Variants in PCDHGA4 observed in about 807,000 individuals in gnomAD.
PCDHGA4 encodes protocadherin gamma subfamily A, 4.
In PCDHGA4, 38 loss-of-function variants were observed where a neutral mutation model predicts 54.6. The ratio of observed to expected loss-of-function variants is 0.70; its 90% confidence interval spans 0.54 to 0.91. The LOEUF (loss-of-function observed/expected upper bound fraction) is 0.91, where lower values mean the gene tolerates loss of function less well. Ranked by LOEUF, PCDHGA4 falls within the 40% of genes least tolerant of loss-of-function variation. The probability of loss-of-function intolerance (pLI) is 0.00; values close to 1 mark genes in which losing one functional copy is unlikely to be tolerated. For missense variants in PCDHGA4, 1,298 were observed against 1,220.9 expected, an observed-to-expected ratio of 1.06 and a Z score of -0.94; for synonymous variants, 511 against 512.9, an observed-to-expected ratio of 1.00 and a Z score of 0.05.
chr5:141,395,363 T>C (rs2093221465), intron 1 of PCDHGA4: 2 of 1,278,044 alleles, frequency 1.6e-6, no homozygotes, highest in Admixed American at 5.9e-5. Context: ...GTTTTGGGTT[T>C]ATTTTGGTGG....
intron 1 of PCDHGA4, among the ~76,000 whole-genome samples, chr5:141,473,195 C>G (rs1053769499): frequency 6.6e-6 from 1 of 152,104 alleles, no homozygotes; most frequent in Non-Finnish European, 1.5e-5. Flanking sequence ...GTAAATGTAT[C>G]TTCTAAAAAA....
chr5:141,370,739 C>CT (rs772637726), intron 1 of PCDHGA4: 1 of 1,613,910 alleles, frequency 6.2e-7, no homozygotes, highest in Non-Finnish European at 8.5e-7. Flanking sequence ...AGCCTTTAAA[C>CT]TTTTTTCATG....
intron 1 of PCDHGA4, chr5:141,427,525 CG>C (rs996050026): frequency 4.9e-6 from 3 of 612,098 alleles, no homozygotes; most frequent in Non-Finnish European, 9.2e-6. Flanking sequence ...GAGCGGATCC[CG>C]GAGTACAACG....
At chr5:141,502,768 T>C (rs1389860952) in intron 2 of PCDHGA4, among the ~76,000 whole-genome samples, 1 of 152,154 alleles carries the variant, frequency 6.6e-6, no homozygotes, top group East Asian at 1.9e-4. Context: ...GCTGGTATTC[T>C]TCTGAAAATT....
In PCDHGA4 at chr5:141,477,279, C is replaced by T. The variant is rs2099408674; in HGVS notation, c.2515-17528C>T. ...GATGCTGGCGAGAACGGGCTGGTGA[C>T]CTGCGAAGTTCCACCGGGTCTCCCT... is the stretch of plus-strand genomic sequence containing the variant. On this transcript the variant is annotated intron_variant, in intron 1 of 3. Transcript: ENST00000571252. The surrounding 1 kb of genome is among the most constrained non-coding windows in gnomAD (Gnocchi z 4.9). 6.2e-7 allele frequency: 1 copy of T among 1,614,054 alleles called. No individual in the cohort carries two copies. Among genetic ancestry groups the T allele is most frequent in the Non-Finnish European group, 8.5e-7 (1 of 1,180,050 alleles).
intron 1 of PCDHGA4, among the ~76,000 whole-genome samples, chr5:141,386,301 G>T (rs1049977575): frequency 1.3e-5 from 2 of 152,180 alleles, no homozygotes; most frequent in Non-Finnish European, 1.5e-5. Context: ...TTTTAGTAAA[G>T]CTCAGTATAT....
rs755190269 is a variant in PCDHGA4 at position 141,385,225 on chromosome 5, G to A, written c.2514+27604G>A. 9.9e-6 allele frequency: 16 copies of A among 1,614,114 alleles called. No individual in the cohort carries two copies. Among genetic ancestry groups the A allele is most frequent in the Non-Finnish European group, 1.3e-5 (15 of 1,180,054 alleles). On this transcript the variant is annotated intron_variant, in intron 1 of 3. Transcript: ENST00000571252. ...CCTGATCTTCCCCCAGCCCAACTAT[G>A]TAGACATGCTCATCAGCCAGGAGAG...
At chr5:141,415,502 A>C (rs1162629839) in intron 1 of PCDHGA4, 6 of 1,614,086 alleles carry the variant, frequency 3.7e-6, no homozygotes, top group Admixed American at 1.7e-5. Flanking sequence ...ATCTTCCCCC[A>C]GCCCAATTAT....
At chr5:141,364,971 C>G in intron 1 of PCDHGA4, 3 of 1,613,916 alleles carry the variant, frequency 1.9e-6, no homozygotes, top group Non-Finnish European at 2.5e-6. Flanking sequence ...CTCCTCACAG[C>G]TTTAGATGGC....
In PCDHGA4 at chr5:141,490,291, C is replaced by T; in HGVS notation, c.2515-4516C>T. 6.2e-7 allele frequency: 1 copy of T among 1,614,212 alleles called. No homozygotes were observed. Among genetic ancestry groups the T allele is most frequent in the Non-Finnish European group, 8.5e-7 (1 of 1,180,048 alleles). On this transcript the variant is annotated intron_variant, in intron 1 of 3. Transcript: ENST00000571252. The surrounding 1 kb of genome is among the most constrained non-coding windows in gnomAD (Gnocchi z 5.4). ...TGTCAATGACAATGCCCCAGAGGTG[C>T]TATTGGCCTCTTTGGCCAACCCTGT...
chr5:141,355,713 G>A lies in PCDHGA4; in HGVS notation c.606G>A (p.Gln202=), dbSNP rs756628846. ...GTGTAAACTCCCTGCAGGGTTACCAGCTCAACTCAAACGGTTACTTTTCCC... is the reference window on the plus strand; with the variant it reads ...GTGTAAACTCCCTGCAGGGTTACCAACTCAACTCAAACGGTTACTTTTCCC... The part of the protein sequence containing the change: ...DVGVNSLQGY[Q]LNSNGYFSLD... Residue 202 remains glutamine (Q), a synonymous_variant, in exon 1 of 4, where the codon CAG becomes CAA. Coordinates refer to ENST00000571252, the MANE Select transcript of PCDHGA4 (RefSeq NM_018917.4). 2.5e-6 allele frequency: 4 copies of A among 1,614,022 alleles called. No individual in the cohort carries two copies. The highest frequency in any genetic ancestry group is 1.1e-5 in the South Asian group (1 of 91,080).
chr5:141,501,947 T>A (rs2099811963), intron 2 of PCDHGA4, among the ~76,000 whole-genome samples: 1 of 152,152 alleles, frequency 6.6e-6, no homozygotes, highest in Non-Finnish European at 1.5e-5. Context: ...CTGCTCCCTG[T>A]GACAGGTCAT....
At chr5:141,509,077 C>A (rs1371396735) in intron 3 of PCDHGA4, among the ~76,000 whole-genome samples, 3 of 152,242 alleles carry the variant, frequency 2.0e-5, no homozygotes, top group Admixed American at 2.0e-4. Flanking sequence ...CGGGGATTTG[C>A]GACATGAAAT....
chr5:141,361,122 C>A, intron 1 of PCDHGA4: 1 of 1,613,946 alleles, frequency 6.2e-7, no homozygotes, highest in Non-Finnish European at 8.5e-7. Context: ...ATCTAGCAGC[C>A]CACTGCAGTA....
At chr5:141,496,178 C>T (rs1481326898) in intron 2 of PCDHGA4, among the ~76,000 whole-genome samples, 2 of 152,080 alleles carry the variant, frequency 1.3e-5, no homozygotes, top group Admixed American at 1.3e-4. Flanking sequence ...CCCATCCAAG[C>T]AGCCCCAGCT....
intron 1 of PCDHGA4, among the ~76,000 whole-genome samples, chr5:141,387,541 T>C (rs1198504274): frequency 6.6e-6 from 1 of 152,252 alleles, no homozygotes; most frequent in Non-Finnish European, 1.5e-5. Flanking sequence ...CACGTAGTTT[T>C]TGTTCTTTCA....
chr5:141,487,067 G>C lies in PCDHGA4; in HGVS notation c.2515-7740G>C, dbSNP rs765539804. 3 of 1,614,048 alleles carry C rather than the reference G, an allele frequency of 1.9e-6. No individual in the cohort carries two copies. The highest frequency in any genetic ancestry group is 3.3e-5 in the Admixed American group (2 of 60,010). ...ATATGCTGGGGAGGTGCGGACGGCT[G>C]TTCCTATCCCAGCTGACCTCCCACC... On this transcript the variant is annotated intron_variant, in intron 1 of 3. Coordinates refer to ENST00000571252, the MANE Select transcript of PCDHGA4 (RefSeq NM_018917.4). The surrounding 1 kb of genome is among the most constrained non-coding windows in gnomAD (Gnocchi z 5.0).
chr5:141,394,700 G>A (rs775789970), intron 1 of PCDHGA4: 1 of 1,613,138 alleles, frequency 6.2e-7, no homozygotes, highest in Non-Finnish European at 8.5e-7. Flanking sequence ...TGCGCACGGC[G>A]CGAGCCCTGC....
intron 1 of PCDHGA4, chr5:141,393,809 A>G (rs566306926): frequency 1.9e-6 from 3 of 1,613,982 alleles, no homozygotes; most frequent in African/African-American, 1.3e-5. Context: ...GGAGGACCAA[A>G]TTGCTCATTT....
Sources: allele counts gnomAD v4.1 joint callset (sites outside exome capture counted in the v4.1 genomes callset), GRCh38; gene constraint gnomAD v4.1.1; non-coding constraint Gnocchi (gnomAD v3.1); transcripts MANE v1.5; gene names NCBI Gene and HGNC (gene_info 2026-07-23, HGNC 2026-07-21).